DPP10: variants seen among roughly 807,000 people sequenced by gnomAD.
The protein encoded by DPP10 is inactive dipeptidyl peptidase 10.
DPP10 carries 33 observed loss-of-function variants against 120.9 expected under a neutral mutation model. That is an observed-to-expected ratio of 0.27 (90% CI 0.21 to 0.37). The LOEUF is 0.37. Among genes scored for constraint, DPP10 ranks in the 10% least tolerant of loss-of-function variants. The probability of loss-of-function intolerance (pLI) is 1.00; values close to 1 mark genes in which losing one functional copy is unlikely to be tolerated. For missense variants in DPP10, 816 were observed against 942.8 expected (o/e 0.87, Z 1.76); for synonymous variants, 337 against 326.1 (o/e 1.03, Z -0.36).
At chr2:115,299,918 G>A (rs2061049305) in intron 1 of DPP10, among the ~76,000 whole-genome samples, 1 of 152,036 alleles carries the variant, frequency 6.6e-6, no homozygotes, top group African/African-American at 2.4e-5. Flanking sequence ...CTAGGAAGAA[G>A]GGACATCTTT....
At chr2:115,832,631 T>A (rs987509333) in intron 21 of DPP10, among the ~76,000 whole-genome samples, 1 of 152,200 alleles carries the variant, frequency 6.6e-6, no homozygotes, top group Non-Finnish European at 1.5e-5. Context: ...TAGAAAATAT[T>A]TGGCTTCATT....
chr2:114,804,565 G>A (rs1315787598), intron 1 of DPP10, among the ~76,000 whole-genome samples: 1 of 152,234 alleles, frequency 6.6e-6, no homozygotes, highest in African/African-American at 2.4e-5. Flanking sequence ...TGACCTGGAT[G>A]TGAGACCTGG....
chr2:115,377,161 C>G (rs2065876086), intron 3 of DPP10, among the ~76,000 whole-genome samples: 2 of 152,096 alleles, frequency 1.3e-5, no homozygotes, highest in South Asian at 4.1e-4. Context: ...AGTTTACAGT[C>G]CCACCAACAG....
At chr2:115,192,486 T>C (rs2054955691) in intron 1 of DPP10, among the ~76,000 whole-genome samples, 1 of 152,250 alleles carries the variant, frequency 6.6e-6, no homozygotes, top group African/African-American at 2.4e-5. Context: ...AGTGGGTCCC[T>C]TGATGCAGTT....
chr2:115,806,451 G>T (rs1275949917), intron 19 of DPP10, among the ~76,000 whole-genome samples: 1 of 152,104 alleles, frequency 6.6e-6, no homozygotes, highest in Non-Finnish European at 1.5e-5. Context: ...CTCAGCTAAG[G>T]TGTAAAATTC....
chr2:114,827,984 T>C (rs562430401), intron 1 of DPP10, among the ~76,000 whole-genome samples: 1 of 152,356 alleles, frequency 6.6e-6, no homozygotes, highest in Non-Finnish European at 1.5e-5. Flanking sequence ...AGTGGCTTTG[T>C]TTTTCTTGCT....
chr2:115,501,364 C>A (rs2076674805), intron 4 of DPP10, among the ~76,000 whole-genome samples: 1 of 152,040 alleles, frequency 6.6e-6, no homozygotes, highest in Non-Finnish European at 1.5e-5. Context: ...TATCTCAATT[C>A]TTTTGCTGGT....
intron 1 of DPP10, among the ~76,000 whole-genome samples, chr2:115,176,146 T>G (rs1340289220): frequency 6.6e-6 from 1 of 152,060 alleles, no homozygotes; most frequent in Non-Finnish European, 1.5e-5. Context: ...TTACAAAATA[T>G]GACTTTCAAA....
At chr2:115,026,594 G>A (rs1703476890) in intron 1 of DPP10, among the ~76,000 whole-genome samples, 1 of 152,114 alleles carries the variant, frequency 6.6e-6, no homozygotes, top group African/African-American at 2.4e-5. Context: ...GGAGTGCAGT[G>A]GTGCCATCTC....
chr2:115,372,187 T>C (rs1053548869), intron 3 of DPP10, among the ~76,000 whole-genome samples: 2 of 152,170 alleles, frequency 1.3e-5, no homozygotes, highest in African/African-American at 4.8e-5. Flanking sequence ...CAAAGAAATA[T>C]TATTCTCAAT....
intron 1 of DPP10, among the ~76,000 whole-genome samples, chr2:114,787,722 G>A (rs1298298499): frequency 6.6e-6 from 1 of 152,144 alleles, no homozygotes; most frequent in Non-Finnish European, 1.5e-5. Flanking sequence ...TGCCTACTTA[G>A]CATGCACACC....
At chr2:114,543,976 A>T (rs921275425) in intron 1 of DPP10, among the ~76,000 whole-genome samples, 1 of 151,938 alleles carries the variant, frequency 6.6e-6, no homozygotes, top group African/African-American at 2.4e-5. Context: ...AATTTATTTT[A>T]ATCAGCTAGT....
chr2:114,592,665 GA>G (rs957247461), intron 1 of DPP10, among the ~76,000 whole-genome samples: 23 of 148,494 alleles, frequency 1.5e-4, no homozygotes, highest in African/African-American at 4.4e-4. Context: ...TCTTCCCCCT[GA>G]AAAAAAAACC....
intron 1 of DPP10, among the ~76,000 whole-genome samples, chr2:114,683,521 C>A (rs1699161594): frequency 1.4e-5 from 2 of 146,364 alleles, no homozygotes; most frequent in African/African-American, 5.1e-5. Flanking sequence ...CTCTCCCTTC[C>A]CTCTCCCTTC....
At chr2:115,839,082 G>A (rs964761402) in intron 24 of DPP10, among the ~76,000 whole-genome samples, 10 of 152,078 alleles carry the variant, frequency 6.6e-5, no homozygotes, top group African/African-American at 2.2e-4. Context: ...CTGTCTCCAT[G>A]CAGACAAATA....
chr2:115,384,229 C>G (rs2066675039), intron 3 of DPP10, among the ~76,000 whole-genome samples: 1 of 152,050 alleles, frequency 6.6e-6, no homozygotes, highest in Admixed American at 6.6e-5. Flanking sequence ...AGAACCCAGT[C>G]CAGGCAGGTT....
intron 5 of DPP10, among the ~76,000 whole-genome samples, chr2:115,672,947 C>T (rs1374636747): frequency 6.6e-6 from 1 of 151,916 alleles, no homozygotes; most frequent in Non-Finnish European, 1.5e-5. Context: ...CTGGGTTGCA[C>T]CACGCTGGCC....
At chr2:115,291,445 C>T (rs2060650265) in intron 1 of DPP10, among the ~76,000 whole-genome samples, 1 of 152,094 alleles carries the variant, frequency 6.6e-6, no homozygotes, top group African/African-American at 2.4e-5. Flanking sequence ...GAATTTTCCC[C>T]ACCACAAATT....
At chr2:115,619,376 C>T (rs1027425165) in intron 5 of DPP10, among the ~76,000 whole-genome samples, 7 of 152,044 alleles carry the variant, frequency 4.6e-5, no homozygotes, top group East Asian at 3.9e-4. Flanking sequence ...TGCCTGGCCC[C>T]GTTTGTAGTT....
Sources: gnomAD v4.1 joint callset for allele counts (sites outside exome capture counted in the v4.1 genomes callset) on GRCh38, gnomAD v4.1.1 for gene constraint, MANE v1.5 for transcripts, NCBI Gene and HGNC (gene_info 2026-07-23, HGNC 2026-07-21) for gene names.